Variants in SYNJ1 observed in about 807,000 individuals in gnomAD.
SYNJ1 encodes polyphosphatidylinositol phosphatase SYNJ1.
In SYNJ1, 78 loss-of-function variants were observed where a neutral mutation model predicts 168.2. That is an observed-to-expected ratio of 0.46 (90% CI 0.39 to 0.56). The LOEUF (loss-of-function observed/expected upper bound fraction) is 0.56, where lower values mean the gene tolerates loss of function less well. Ranked by LOEUF, SYNJ1 falls within the 20% of genes least tolerant of loss-of-function variation. The probability of loss-of-function intolerance (pLI) is 0.00; values close to 1 mark genes in which losing one functional copy is unlikely to be tolerated. For synonymous variants in SYNJ1, 539 were observed against 548.6 expected, an observed-to-expected ratio of 0.98 and a Z score of 0.24; for missense variants, 1,303 against 1,597.6, an observed-to-expected ratio of 0.82 and a Z score of 3.14.
At chr21:32,711,221 GA>G (rs2042817080) in intron 2 of SYNJ1, among the ~76,000 whole-genome samples, 1 of 152,154 alleles carries the variant, frequency 6.6e-6, no homozygotes, top group Non-Finnish European at 1.5e-5. Context: ...ATAGACTACA[GA>G]AAACACTCAG....
rs753729482 is a variant in SYNJ1, at chr21:32,634,843, T to G, written c.*3+18A>C. 1.2e-6 allele frequency: 2 copies of G among 1,613,236 alleles called. No homozygotes were observed. ...AGACGGATGAAAACACATGTAAGAT[T>G]GATAAATTGTCAGATACCTGTTACC... On this transcript the variant is annotated intron_variant, in intron 32 of 32. Transcript: ENST00000674351.
At position 32,673,864 on chromosome 21, in the gene SYNJ1, T is replaced by C. The variant is rs371067946; in HGVS notation, c.1535-333A>G. Among the ~76,000 whole-genome samples the C allele has an allele frequency of 7.2e-5, 11 of 152,190 alleles. 1 individual carries two copies. Among genetic ancestry groups the C allele is most frequent in the African/African-American group, 2.6e-4 (11 of 41,536 alleles). ...ATGAAATGGTACATTAATGTACAAA[T>C]CCAATGAACTATACATTTTTAGGAA... On this transcript the variant is annotated intron_variant, in intron 13 of 32. Transcript: ENST00000674351.
At chr21:32,657,269 T>C (rs909623353) in intron 19 of SYNJ1, 149 bp from the exon 20 acceptor site, 1 of 602,270 alleles carries the variant, frequency 1.7e-6, no homozygotes, top group Non-Finnish European at 2.9e-6. Flanking sequence ...GCAGTCTAAA[T>C]ACCTTTAAAT....
intron 8 of SYNJ1, 121 bp from the exon 9 acceptor site, chr21:32,686,038 T>C: frequency 5.3e-6 from 5 of 948,832 alleles, no homozygotes; most frequent in South Asian, 5.1e-5. Context: ...TCAAAAACTA[T>C]CCCTGAGAGA....
At chr21:32,655,464 T>C (rs2833935) in intron 21 of SYNJ1, among the ~76,000 whole-genome samples, 60,091 of 152,108 alleles carry the variant, frequency 0.4, 13,982 homozygotes, top group Admixed American at 0.49. Flanking sequence ...CTAAACACAA[T>C]TTCTTCTCCA....
chr21:32,708,582 C>T (rs146617301), intron 2 of SYNJ1, among the ~76,000 whole-genome samples: 2 of 152,292 alleles, frequency 1.3e-5, no homozygotes, highest in African/African-American at 4.8e-5. Context: ...CGGCCTGCAC[C>T]GCATTAGTTC....
intron 23 of SYNJ1, among the ~76,000 whole-genome samples, chr21:32,649,501 T>C (rs1320857272): frequency 6.6e-6 from 1 of 152,254 alleles, no homozygotes; most frequent in Non-Finnish European, 1.5e-5. Flanking sequence ...TTTTAAATCA[T>C]GTTTAAGGAA....
intron 2 of SYNJ1, among the ~76,000 whole-genome samples, chr21:32,717,036 T>C (rs896768567): frequency 1.3e-5 from 2 of 152,140 alleles, no homozygotes; most frequent in Non-Finnish European, 2.9e-5. Context: ...CTTGGCTCAC[T>C]GCAACCTCCA....
rs746142739 is a variant in SYNJ1, at chr21:32,644,983, T to C, written c.3415A>G (p.Arg1139Gly). 6.2e-7 allele frequency: 1 copy of C among 1,608,092 alleles called. No individual in the cohort carries two copies. The highest frequency in any genetic ancestry group is 1.1e-5 in the South Asian group (1 of 89,480). The change falls in exon 26 of 33, where the codon AGA becomes GGA. Residue 1139 changes from arginine to glycine, a missense_variant. By Grantham distance (125) the Arg-to-Gly change is moderately radical. Transcript: ENST00000674351. ...AAATGGTTACCTCCAAATTCCTTTC[T>C]AGTGGGTGCAGGACTCCTAGCCCCT... ...PSGARSPAPTRKEFGGIGAPP... is the reference protein window; with the variant it reads ...PSGARSPAPTGKEFGGIGAPP...
intron 13 of SYNJ1, among the ~76,000 whole-genome samples, chr21:32,675,835 T>C (rs1166372653): frequency 1.3e-5 from 2 of 152,240 alleles, no homozygotes; most frequent in African/African-American, 4.8e-5. Flanking sequence ...TCAGATCATA[T>C]TTTAGTGCAA....
rs377218872 is a variant in SYNJ1, at chr21:32,699,924, T to C, written c.393A>G (p.Ala131=). Residue 131 remains alanine (A), a synonymous_variant, in exon 4 of 33, where the codon GCA becomes GCG. Transcript: ENST00000674351. ...KVLNSGNFYF[A]WSASGISLDL... ...CTAAACTGATGCCAGATGCAGACCATGCAAAATAAAAGTTTCCTGAATTCA... is the reference window on the plus strand; with the variant it reads ...CTAAACTGATGCCAGATGCAGACCACGCAAAATAAAAGTTTCCTGAATTCA... 1.2e-6 allele frequency: 2 copies of C among 1,614,168 alleles called. No individual in the cohort carries two copies. The highest frequency in any genetic ancestry group is 1.7e-5 in the Admixed American group (1 of 60,022).
At chr21:32,653,639 C>T (rs990576985) in intron 21 of SYNJ1, 2 of 299,350 alleles carry the variant, frequency 6.7e-6, no homozygotes, top group Non-Finnish European at 1.3e-5. Context: ...CCAGTCCCAT[C>T]CAATCCTCCA....
intron 2 of SYNJ1, among the ~76,000 whole-genome samples, chr21:32,709,814 A>G (rs779439920): frequency 2.6e-5 from 4 of 152,040 alleles, no homozygotes; most frequent in Non-Finnish European, 5.9e-5. Context: ...CATGGTGTCC[A>G]GCCAAAAACA....
chr21:32,657,036 T>C lies in SYNJ1; in HGVS notation c.2546A>G (p.Tyr849Cys), dbSNP rs1057524877. Residue 849 changes from tyrosine to cysteine, a missense_variant, in exon 20 of 33, where the codon TAT (tyrosine) becomes TGT (cysteine). Physicochemically the swap from Tyr to Cys is radical, Grantham distance 194. Coordinates refer to ENST00000674351, the MANE Select transcript of SYNJ1 (RefSeq NM_203446.3). ...AGAAGTCTTCAGCTCAGCTCTTCCA[T>C]AGTGCAGCAAAGTGCCTGGAGTCCA... ...YTWTPGTLLHYGRAELKTSDH... is the reference protein window; with the variant it reads ...YTWTPGTLLHCGRAELKTSDH... 1 of 1,614,194 alleles carries C rather than the reference T, an allele frequency of 6.2e-7. No homozygotes were observed. The highest frequency in any genetic ancestry group is 8.5e-7 in the Non-Finnish European group (1 of 1,180,036).
At chr21:32,711,103 T>C (rs373552273) in intron 2 of SYNJ1, among the ~76,000 whole-genome samples, 25 of 152,304 alleles carry the variant, frequency 1.6e-4, no homozygotes, top group African/African-American at 6.0e-4. Context: ...TCAAACTTCT[T>C]TTAACTGAAC....
intron 2 of SYNJ1, among the ~76,000 whole-genome samples, chr21:32,717,126 A>C (rs1287758401): frequency 6.6e-6 from 1 of 151,920 alleles, no homozygotes; most frequent in Non-Finnish European, 1.5e-5. Flanking sequence ...CGCCCGGCTA[A>C]TTTTGTATTT....
At position 32,727,757 on chromosome 21, in the gene SYNJ1, G is replaced by A. The variant is rs2043536420; in HGVS notation, c.-23+189C>T. The A allele has an allele frequency of 9.4e-6, 12 of 1,274,546 alleles. No homozygotes were observed. The South Asian group carries it at 1.4e-4, about 15-fold the overall frequency. 79.0% of individuals were successfully genotyped at this position (1,274,546 alleles called of 1,614,324 possible). On this transcript the variant is annotated intron_variant, in intron 1 of 32. Coordinates refer to ENST00000674351, the MANE Select transcript of SYNJ1 (RefSeq NM_203446.3). The stretch of plus-strand genomic sequence containing the variant: ...CTGTCACCACAGCCCCCAGCCTGAC[G>A]CGGCACCCCGCACAACCAGTGGTCT...
In SYNJ1 at chr21:32,687,001, G is replaced by T; in HGVS notation, c.925C>A (p.His309Asn). 1 of 1,551,792 alleles carries T rather than the reference G, an allele frequency of 6.4e-7. No homozygotes were observed. The highest frequency in any genetic ancestry group is 8.7e-7 in the Non-Finnish European group (1 of 1,154,014). The change falls in exon 8 of 33, where the codon CAT (histidine) becomes AAT (asparagine). Residue 309 changes from histidine to asparagine, a missense_variant. Physicochemically the swap from His to Asn is moderately conservative, Grantham distance 68. Around this residue, in one of 2 missense-constraint regions of SYNJ1, gnomAD observed 920 missense variants for 1,208.8 expected, o/e 0.76. Transcript: ENST00000674351. ...ACCTGGAAAGCTTTACTTAGCATAT[G>T]TTCACCTTCCTTAGATCCAAGCAAA... Reference protein sequence around the residue: ...VNLLGSKEGEHMLSKAFQSHL... With the variant: ...VNLLGSKEGENMLSKAFQSHL...
intron 11 of SYNJ1, among the ~76,000 whole-genome samples, chr21:32,680,920 A>C (rs1401350533): frequency 6.6e-6 from 1 of 152,178 alleles, no homozygotes; most frequent in Non-Finnish European, 1.5e-5. Flanking sequence ...CCTGGCCCAT[A>C]TCTCACACTT....
Sources: gnomAD v4.1 joint callset for allele counts (sites outside exome capture counted in the v4.1 genomes callset) on GRCh38, gnomAD v4.1.1 for gene constraint, gnomAD v4.1.1 regional missense constraint, MANE v1.5 for transcripts, NCBI Gene and HGNC (gene_info 2026-07-23, HGNC 2026-07-21) for gene names.